Variants in UBE2K observed in about 807,000 individuals in gnomAD.
UBE2K encodes the protein ubiquitin-conjugating enzyme E2 K.
A neutral mutation model predicts 30.0 loss-of-function variants in UBE2K; 6 were observed. The ratio of observed to expected loss-of-function variants is 0.20; its 90% CI spans 0.11 to 0.39. The LOEUF (loss-of-function observed/expected upper bound fraction) is 0.39. Among genes scored for constraint, UBE2K ranks in the 10% least tolerant of loss-of-function variants. The pLI is 1.00. For synonymous variants in UBE2K, 86 were observed against 83.7 expected, an observed-to-expected ratio of 1.03 and a Z score of -0.15; for missense variants, 61 against 241.6, an observed-to-expected ratio of 0.25 and a Z score of 4.96.
chr4:39,723,265 C>T (rs1013333408), intron 1 of UBE2K, among the ~76,000 whole-genome samples: 3 of 150,408 alleles, frequency 2.0e-5, no homozygotes, highest in Non-Finnish European at 3.0e-5. Context: ...AGGCTGGTCT[C>T]GAACTAAGCT....
At chr4:39,753,893 G>C (rs1047002580) in intron 3 of UBE2K, among the ~76,000 whole-genome samples, 6 of 152,162 alleles carry the variant, frequency 3.9e-5, no homozygotes, top group African/African-American at 1.4e-4. Context: ...GGCCGAGGCG[G>C]GTGGATCACC....
chr4:39,769,676 A>G (rs931072854), intron 4 of UBE2K, among the ~76,000 whole-genome samples: 9 of 86,036 alleles, frequency 1.0e-4, no homozygotes, highest in African/African-American at 3.7e-4. Flanking sequence ...CCCTGTTCCC[A>G]CCCACCCCCC....
At chr4:39,738,918 G>T (rs918759629) in intron 2 of UBE2K, among the ~76,000 whole-genome samples, 1 of 152,044 alleles carries the variant, frequency 6.6e-6, no homozygotes, top group Admixed American at 6.6e-5. Context: ...TAGGTGATCC[G>T]CCTGTCTTGG....
At chr4:39,751,899 A>G (rs1721276619) in intron 3 of UBE2K, among the ~76,000 whole-genome samples, 1 of 152,050 alleles carries the variant, frequency 6.6e-6, no homozygotes, top group Non-Finnish European at 1.5e-5. Context: ...CCCGGGAGAC[A>G]GAGGTTGCAG....
chr4:39,715,025 AT>A (rs905603415), intron 1 of UBE2K, among the ~76,000 whole-genome samples: 221 of 133,784 alleles, frequency 1.7e-3, no homozygotes, highest in Middle Eastern at 3.9e-3. Context: ...CTCTTGGCTA[AT>A]TTTTTTTTTT....
chr4:39,733,634 A>G (rs891459599), intron 1 of UBE2K, among the ~76,000 whole-genome samples: 1 of 152,112 alleles, frequency 6.6e-6, no homozygotes, highest in Non-Finnish European at 1.5e-5. Flanking sequence ...CACCCAGCCA[A>G]ATTAAAGGTT....
intron 4 of UBE2K, among the ~76,000 whole-genome samples, chr4:39,762,128 G>A (rs1048322694): frequency 2.6e-5 from 4 of 151,738 alleles, no homozygotes; most frequent in South Asian, 2.1e-4. Flanking sequence ...GCAGTGAGCC[G>A]AGATCGCCTC....
chr4:39,747,473 C>T (rs1721039695), intron 3 of UBE2K, among the ~76,000 whole-genome samples: 2 of 152,158 alleles, frequency 1.3e-5, no homozygotes, highest in South Asian at 4.1e-4. Context: ...CTTATATCAC[C>T]TAGCATAATG....
chr4:39,750,965 G>A (rs750200013), intron 3 of UBE2K, among the ~76,000 whole-genome samples: 4 of 151,946 alleles, frequency 2.6e-5, no homozygotes, highest in Non-Finnish European at 4.4e-5. Flanking sequence ...GGCTGCTCTC[G>A]AACTCCTGGG....
chr4:39,744,702 C>T (rs928660226), intron 2 of UBE2K, among the ~76,000 whole-genome samples: 36 of 150,120 alleles, frequency 2.4e-4, no homozygotes, highest in African/African-American at 8.5e-4. Context: ...GTCAGGAGAT[C>T]GAGACCATCC....
chr4:39,765,938 T>TACATACATACATACAC (rs1258930076), intron 4 of UBE2K, among the ~76,000 whole-genome samples: 1 of 149,384 alleles, frequency 6.7e-6, no homozygotes, highest in Admixed American at 6.6e-5. Context: ...CATACATACA[T>TACATACATACATACAC]ACACACACAC....
chr4:39,715,319 C>G (rs1232572031), intron 1 of UBE2K, among the ~76,000 whole-genome samples: 1 of 151,656 alleles, frequency 6.6e-6, no homozygotes, highest in African/African-American at 2.4e-5. Flanking sequence ...TGAGCCACCG[C>G]GCCCGGCCAG....
intron 1 of UBE2K, among the ~76,000 whole-genome samples, chr4:39,718,036 A>G (rs560987602): frequency 6.6e-6 from 1 of 151,550 alleles, no homozygotes; most frequent in South Asian, 2.1e-4. Flanking sequence ...CAAAGAGCAA[A>G]AGAACAAAGC....
At chr4:39,698,482 T>C (rs1242571272) in intron 1 of UBE2K, 92 bp downstream of exon 1, 2 of 1,213,822 alleles carry the variant, frequency 1.6e-6, no homozygotes, top group Non-Finnish European at 2.4e-6. Flanking sequence ...AGTCCCTGGG[T>C]GGTCCTCCTT....
chr4:39,767,307 T>TG (rs71304787), intron 4 of UBE2K, among the ~76,000 whole-genome samples: 11 of 150,090 alleles, frequency 7.3e-5, no homozygotes, highest in African/African-American at 2.3e-4. Flanking sequence ...CTGTTTTTTT[T>TG]TTTGTGTGTG....
intron 4 of UBE2K, among the ~76,000 whole-genome samples, chr4:39,773,556 ATTAG>A (rs1713067039): frequency 6.6e-6 from 1 of 152,158 alleles, no homozygotes; most frequent in South Asian, 2.1e-4. Flanking sequence ...CTCACATGCT[ATTAG>A]TACTAATGAT....
intron 4 of UBE2K, among the ~76,000 whole-genome samples, chr4:39,768,276 CAAAAAAA>C (rs35596173): frequency 4.6e-4 from 52 of 113,550 alleles, no homozygotes; most frequent in African/African-American, 1.7e-3. Flanking sequence ...CCGTCTCTAC[CAAAAAAA>C]AAAAAAAAAA....
At chr4:39,708,032 G>A (rs1292360775) in intron 1 of UBE2K, among the ~76,000 whole-genome samples, 3 of 151,962 alleles carry the variant, frequency 2.0e-5, no homozygotes, top group Non-Finnish European at 4.4e-5. Flanking sequence ...GAGAAGCTGG[G>A]ATTACAGGCA....
chr4:39,753,915 G>A (rs1721397878), intron 3 of UBE2K, among the ~76,000 whole-genome samples: 1 of 152,144 alleles, frequency 6.6e-6, no homozygotes, highest in Non-Finnish European at 1.5e-5. Context: ...GAGGTCAGGA[G>A]TTTGAGACCA....
Sources: gnomAD v4.1 joint callset for allele counts (sites outside exome capture counted in the v4.1 genomes callset) on GRCh38, gnomAD v4.1.1 for gene constraint, MANE v1.5 for transcripts, NCBI Gene and HGNC (gene_info 2026-07-23, HGNC 2026-07-21) for gene names.